OGA: variants seen among roughly 807,000 people sequenced by gnomAD.
OGA encodes the protein O-GlcNAcase.
OGA carries 21 observed loss-of-function variants against 102.0 expected under a neutral mutation model. That is an observed-to-expected ratio of 0.21 (90% CI 0.15 to 0.30). OGA has a LOEUF of 0.30. Ranked by LOEUF, OGA falls within the 10% of genes least tolerant of loss-of-function variation. The pLI is 1.00. For synonymous variants in OGA, 408 were observed against 378.2 expected (o/e 1.08, Z -0.91); for missense variants, 765 against 1,107.8 (o/e 0.69, Z 4.39).
chr10:101,787,891 C>T (rs1408579221), intron 14 of OGA: 1 of 167,836 alleles, frequency 6.0e-6, no homozygotes, highest in Non-Finnish European at 1.3e-5. Context: ...CGTGCCTGGC[C>T]ACCGTTTTCA....
At chr10:101,806,455 C>G (rs567099160) in intron 5 of OGA, among the ~76,000 whole-genome samples, 1 of 152,326 alleles carries the variant, frequency 6.6e-6, no homozygotes, top group East Asian at 1.9e-4. Flanking sequence ...ATCCGCCCGC[C>G]TTGGCCTCCC....
chr10:101,807,893 C>T lies in OGA; in HGVS notation c.489G>A (p.Gln163=). ...GCAAAGCAAATGATCTGCACCCAAA[C>T]TGAGAAACCTAGGAGAAAAAAAAAA... The part of the protein sequence containing the change: ...TLKRKLDQVS[Q]FGCRSFALLF... Residue 163 remains glutamine, a synonymous_variant, in exon 5 of 16, where the codon CAG becomes CAA. Coordinates refer to ENST00000361464, the MANE Select transcript of OGA (RefSeq NM_012215.5). The T allele has an allele frequency of 6.6e-7, 1 of 1,508,776 alleles. No homozygotes were observed. The highest frequency in any genetic ancestry group is 8.8e-7 in the Non-Finnish European group (1 of 1,132,996). The allele number at this position is 1,508,776 out of a possible 1,614,324, so 93.5% of individuals were successfully genotyped here. A position where few individuals can be genotyped will look rare whatever the true frequency, so the allele number is the denominator to read the frequency against.
chr10:101,788,708 C>A (rs1198869894), intron 14 of OGA, among the ~76,000 whole-genome samples: 1 of 151,244 alleles, frequency 6.6e-6, no homozygotes, highest in Admixed American at 6.6e-5. Flanking sequence ...GCACTCCACC[C>A]CAGGCGACAG....
At chr10:101,797,445 T>C (rs554922963) in intron 10 of OGA, 145 of 153,498 alleles carry the variant, frequency 9.4e-4, no homozygotes, top group African/African-American at 3.4e-3. Context: ...CAATACTTGG[T>C]AGAAGGATAA....
Position 101,790,986 on chromosome 10 carries a change from G to C in OGA, c.2364C>G (p.Pro788=). The change falls in exon 14 of 16, where the codon CCC becomes CCG. Residue 788 remains proline, a synonymous_variant. Transcript: ENST00000361464. ...GYALGTVDVT[P]FIKKCKISWI... is the part of the protein sequence containing the mutation. ...AGGAAATTTTACATTTTTTAATAAA[G>C]GGGGTCACATCTACAGTGCCCAAGG... 6.2e-7 allele frequency: 1 copy of C among 1,613,574 alleles called. No homozygotes were observed. The highest frequency in any genetic ancestry group is 8.5e-7 in the Non-Finnish European group (1 of 1,179,708).
intron 7 of OGA, among the ~76,000 whole-genome samples, chr10:101,803,448 TAAAAAAAAAAAAAAC>T (rs1199171678): frequency 1.3e-5 from 1 of 74,310 alleles, no homozygotes; most frequent in Non-Finnish European, 2.7e-5. Flanking sequence ...TGAATCATAC[TAAAAAAAAAAAAAAC>T]AAAAAAAAAA....
In OGA at chr10:101,799,418, T is replaced by C. The variant is rs2065360861; in HGVS notation, c.1233A>G (p.Val411=). 1 of 1,613,868 alleles carries C rather than the reference T, an allele frequency of 6.2e-7. No homozygotes were observed. The highest frequency in any genetic ancestry group is 1.7e-5 in the Admixed American group (1 of 59,976). Residue 411 remains valine (V), a synonymous_variant, in exon 9 of 16, where the codon GTA becomes GTG. Transcript: ENST00000361464. ...CTGCAACTAAAGGAGTCCCATCAAC[T>C]ACACTTGCTTTAGCTCCACTGTGTG... The part of the protein sequence containing the change: ...QVAHSGAKAS[V]VDGTPLVAAP...
intron 14 of OGA, among the ~76,000 whole-genome samples, chr10:101,789,502 A>T (rs968877943): frequency 2.6e-5 from 4 of 152,254 alleles, no homozygotes; most frequent in East Asian, 1.9e-4. Context: ...CTGTCTCAAA[A>T]AAATAAATAA....
intron 10 of OGA, 153 bp from the exon 11 acceptor site, chr10:101,794,151 T>A: frequency 2.0e-6 from 1 of 503,894 alleles, no homozygotes; most frequent in Non-Finnish European, 3.6e-6. Context: ...TATTATTTTT[T>A]AAAATGTTAA....
At chr10:101,795,213 C>A (rs1220068825) in intron 10 of OGA, among the ~76,000 whole-genome samples, 1 of 152,166 alleles carries the variant, frequency 6.6e-6, no homozygotes, top group Non-Finnish European at 1.5e-5. Context: ...ATTTCCCCTA[C>A]CCCCTACTTT....
intron 6 of OGA, among the ~76,000 whole-genome samples, chr10:101,805,191 C>T (rs1011283881): frequency 1.3e-5 from 2 of 152,084 alleles, no homozygotes; most frequent in African/African-American, 4.8e-5. Context: ...TGTGCACCAG[C>T]CCACCTGGCT....
Position 101,818,224 on chromosome 10 carries a change from C to A in OGA, c.-202G>T. 7.4e-7 allele frequency: 1 copy of A among 1,342,394 alleles called. No homozygotes were observed. The highest frequency in any genetic ancestry group is 9.5e-7 in the Non-Finnish European group (1 of 1,050,596). The allele number at this position is 1,342,394 out of a possible 1,614,324, so 83.2% of individuals were successfully genotyped here. On this transcript the variant is annotated 5_prime_UTR_variant, in exon 1 of 16. The change creates a new upstream start codon in the 5' untranslated region. Transcript: ENST00000361464. ...AAGGGCGGCGGCACCGGCGCGAGCCCTTTGTCAGCCGCAGCCTCGGCTTTA... is the reference window on the plus strand; with the variant it reads ...AAGGGCGGCGGCACCGGCGCGAGCCATTTGTCAGCCGCAGCCTCGGCTTTA...
At chr10:101,788,443 A>G (rs61208178) in intron 14 of OGA, among the ~76,000 whole-genome samples, 1 of 146,874 alleles carries the variant, frequency 6.8e-6, no homozygotes, top group Non-Finnish European at 1.5e-5. Context: ...AAAAAAAAAA[A>G]GTTTTCTGGC....
chr10:101,818,160 C>T lies in OGA; in HGVS notation c.-138G>A, dbSNP rs2135110465. The T allele has an allele frequency of 7.3e-7, 1 of 1,368,498 alleles. No homozygotes were observed. Among genetic ancestry groups the T allele is most frequent in the Non-Finnish European group, 9.4e-7 (1 of 1,063,724 alleles). 84.8% of individuals were successfully genotyped at this position (1,368,498 alleles called of 1,614,324 possible). On this transcript the variant is annotated 5_prime_UTR_variant, in exon 1 of 16. Coordinates refer to ENST00000361464, the MANE Select transcript of OGA (RefSeq NM_012215.5). ...CTCCTTCCCCTCCCCCTCTGCCCTT[C>T]CCCCTCCCTCTCCGCAGGGACCCGA...
Position 101,784,823 on chromosome 10 carries a change from T to G in OGA, c.*1628A>C, listed in dbSNP as rs2065176626. The G allele has an allele frequency of 6.6e-6, 1 of 152,230 alleles. No homozygotes were observed. The allele number at this position is 152,230 out of a possible 1,614,324, so 9.4% of individuals were successfully genotyped here. On this transcript the variant is annotated 3_prime_UTR_variant, in exon 16 of 16. Coordinates refer to ENST00000361464, the MANE Select transcript of OGA (RefSeq NM_012215.5). ...GCTGTCTTACTATCTGGTAAGAGTCTTCCCTTCATCTCAAGCCCTCAAAAA... is the reference window on the plus strand; with the variant it reads ...GCTGTCTTACTATCTGGTAAGAGTCGTCCCTTCATCTCAAGCCCTCAAAAA...
In OGA at chr10:101,786,541, A is replaced by C. The variant is rs773468833; in HGVS notation, c.2661T>G (p.Ile887Met). 7 of 1,611,660 alleles carry C rather than the reference A, an allele frequency of 4.3e-6. No homozygotes were observed. The highest frequency in any genetic ancestry group is 5.1e-6 in the Non-Finnish European group (6 of 1,179,076). ...FCEVRPDDKR[I>M]LEFYSKLGCF... is the part of the protein sequence containing the mutation. ...ATCCTAACTTGCTGTAAAATTCCAG[A>C]ATTCTTTTATCATCTGGTCTCACTT... Residue 887 changes from isoleucine (I) to methionine (M), a missense_variant, in exon 16 of 16, where the codon ATT becomes ATG. By Grantham distance (10) the Ile-to-Met change is conservative. Coordinates refer to ENST00000361464, the MANE Select transcript of OGA (RefSeq NM_012215.5).
At chr10:101,797,917 G>A (rs2065336422) in intron 10 of OGA, 63 bp downstream of exon 10, 1 of 1,495,776 alleles carries the variant, frequency 6.7e-7, no homozygotes, top group Non-Finnish European at 9.3e-7. Context: ...TTCTCCCTGT[G>A]GGATAATTTT....
intron 4 of OGA, among the ~76,000 whole-genome samples, chr10:101,809,817 G>A (rs1404375597): frequency 2.0e-5 from 3 of 152,046 alleles, no homozygotes; most frequent in African/African-American, 7.2e-5. Flanking sequence ...AGCACTTTGG[G>A]AAGATCATGA....
intron 5 of OGA, 34 bp downstream of exon 5, chr10:101,807,696 G>A (rs749424223): frequency 2.8e-6 from 4 of 1,407,748 alleles, no homozygotes; most frequent in South Asian, 1.6e-5. Context: ...ATTCCAAGAA[G>A]ACTAGTTAAA....
Sources: gnomAD v4.1 joint callset for allele counts (sites outside exome capture counted in the v4.1 genomes callset) on GRCh38, gnomAD v4.1.1 for gene constraint, MANE v1.5 for transcripts, NCBI Gene and HGNC (gene_info 2026-07-23, HGNC 2026-07-21) for gene names.